The following WDR27 variants were observed in gnomAD, a reference collection of about 807,000 sequenced individuals.
The protein encoded by WDR27 is WD repeat domain 27, also known as WD repeat-containing protein 27.
Under a neutral mutation model 114.4 loss-of-function variants are expected in WDR27, and 100 were observed. The ratio of observed to expected loss-of-function variants is 0.87; its 90% CI spans 0.74 to 1.03. WDR27 has a LOEUF of 1.03. WDR27 is among the 50% of genes least tolerant of loss of function. WDR27 has a pLI of 0.00. For synonymous variants in WDR27, 449 were observed against 423.1 expected, an observed-to-expected ratio of 1.06 and a Z score of -0.75; for missense variants, 1,129 against 1,092.9, an observed-to-expected ratio of 1.03 and a Z score of -0.47.
At chr6:169,667,639 G>A (rs553318575) in intron 5 of WDR27, among the ~76,000 whole-genome samples, 1 of 152,174 alleles carries the variant, frequency 6.6e-6, no homozygotes, top group East Asian at 1.9e-4. Context: ...ATTTTGTGCC[G>A]ACTGAACCCT....
intron 8 of WDR27, 70 bp downstream of exon 8, chr6:169,664,096 C>T: frequency 7.2e-7 from 1 of 1,389,916 alleles, no homozygotes; most frequent in Non-Finnish European, 9.7e-7. Context: ...TGACCTAGGG[C>T]CCTTGACATG....
intron 25 of WDR27, among the ~76,000 whole-genome samples, chr6:169,530,559 A>G (rs1247848388): frequency 6.6e-6 from 1 of 152,222 alleles, no homozygotes; most frequent in African/African-American, 2.4e-5. Context: ...CCTCAACTGT[A>G]TGAAAGCATG....
intron 25 of WDR27, among the ~76,000 whole-genome samples, chr6:169,474,300 A>G (rs1404112150): frequency 6.6e-6 from 1 of 152,244 alleles, no homozygotes; most frequent in Non-Finnish European, 1.5e-5. Flanking sequence ...CCTTAAGGAT[A>G]AATAAACTCT....
At chr6:169,481,539 T>A (rs1788082483) in intron 25 of WDR27, among the ~76,000 whole-genome samples, 1 of 152,248 alleles carries the variant, frequency 6.6e-6, no homozygotes, top group African/African-American at 2.4e-5. Context: ...GGCGCCTTTA[T>A]GAGCTGTAGC....
chr6:169,658,952 G>A, intron 12 of WDR27, 134 bp downstream of exon 12: 1 of 1,253,214 alleles, frequency 8.0e-7, no homozygotes, highest in Non-Finnish European at 1.1e-6. Context: ...CTCCCAAAGT[G>A]CTGGGATTAT....
intron 23 of WDR27, among the ~76,000 whole-genome samples, chr6:169,597,620 A>G (rs1481213388): frequency 6.6e-6 from 1 of 152,122 alleles, no homozygotes; most frequent in African/African-American, 2.4e-5. Context: ...ACTGACCTCT[A>G]ATATTCATAG....
Position 169,659,596 on chromosome 6 carries a change from C to A in WDR27, c.1130-78G>T. 1 of 1,376,448 alleles carries A rather than the reference C, an allele frequency of 7.3e-7. No individual in the cohort carries two copies. The highest frequency in any genetic ancestry group is 1.0e-6 in the Non-Finnish European group (1 of 992,256). 85.3% of individuals were successfully genotyped at this position (1,376,448 alleles called of 1,614,324 possible). On this transcript the variant is annotated intron_variant, in intron 10 of 25. Coordinates refer to ENST00000448612, the MANE Select transcript of WDR27 (RefSeq NM_182552.5). The surrounding 1 kb of genome is among the most constrained non-coding windows in gnomAD (Gnocchi z 4.3). ...ACACACGGAGTCACTGCCCAGAGCC[C>A]ACCACACACAGCCCAGAGCCCACCA...
chr6:169,537,168 G>A (rs1796287064), intron 25 of WDR27, among the ~76,000 whole-genome samples: 1 of 152,158 alleles, frequency 6.6e-6, no homozygotes, highest in Non-Finnish European at 1.5e-5. Context: ...GGTTGAGAGG[G>A]AGGAATCGCA....
At chr6:169,569,265 C>A (rs910414362) in intron 25 of WDR27, among the ~76,000 whole-genome samples, 3 of 149,692 alleles carry the variant, frequency 2.0e-5, no homozygotes, top group African/African-American at 7.7e-5. Flanking sequence ...GTTTTAAAAC[C>A]CTAGTCTCTA....
intron 13 of WDR27, among the ~76,000 whole-genome samples, chr6:169,652,483 G>A (rs1461036125): frequency 2.0e-5 from 3 of 152,162 alleles, no homozygotes; most frequent in Non-Finnish European, 2.9e-5. Flanking sequence ...GCCTGACCTC[G>A]TGATCCACCT....
chr6:169,576,205 A>G (rs1471155184), intron 24 of WDR27, among the ~76,000 whole-genome samples: 2 of 152,230 alleles, frequency 1.3e-5, no homozygotes, highest in African/African-American at 2.4e-5. Flanking sequence ...ACCCACCCTC[A>G]GGGGACTCAC....
chr6:169,499,098 T>C (rs1329420613), intron 25 of WDR27, among the ~76,000 whole-genome samples: 1 of 152,246 alleles, frequency 6.6e-6, no homozygotes, highest in Non-Finnish European at 1.5e-5. Context: ...AACGTCCTCA[T>C]GTTGCTAAGC....
At chr6:169,620,600 C>T (rs923387550) in intron 21 of WDR27, among the ~76,000 whole-genome samples, 1 of 152,178 alleles carries the variant, frequency 6.6e-6, no homozygotes, top group East Asian at 1.9e-4. Context: ...TCCCACTTTA[C>T]CTGACTGAAC....
At chr6:169,582,782 T>C in intron 24 of WDR27, 54 bp downstream of exon 24, 2 of 1,379,302 alleles carry the variant, frequency 1.5e-6, no homozygotes, top group East Asian at 4.9e-5. Context: ...TACAAAAATA[T>C]AATGTAAGAC....
At chr6:169,651,334 A>G (rs946877872) in intron 14 of WDR27, among the ~76,000 whole-genome samples, 9 of 152,072 alleles carry the variant, frequency 5.9e-5, no homozygotes, top group Admixed American at 5.9e-4. Context: ...GTTAAGAGAC[A>G]TAAAAAGTCA....
intron 21 of WDR27, among the ~76,000 whole-genome samples, chr6:169,614,508 T>G (rs905559282): frequency 6.6e-6 from 1 of 151,872 alleles, no homozygotes; most frequent in Non-Finnish European, 1.5e-5. Context: ...GCCAACATGG[T>G]GAAATCCCGT....
At chr6:169,509,443 T>C (rs1187069825) in intron 25 of WDR27, among the ~76,000 whole-genome samples, 2 of 151,924 alleles carry the variant, frequency 1.3e-5, no homozygotes, top group Non-Finnish European at 2.9e-5. Flanking sequence ...TATAGACCAA[T>C]GGAACAGAAC....
chr6:169,448,432 ATAT>A, the WDR27 span, among the ~76,000 whole-genome samples: 2 of 150,336 alleles, frequency 1.3e-5, no homozygotes, highest in Admixed American at 6.6e-5. Flanking sequence ...GTATATATAT[ATAT>A]TTTTTTACTA....
intron 2 of WDR27, among the ~76,000 whole-genome samples, 186 bp from the exon 3 acceptor site, chr6:169,672,582 C>T (rs930626506): frequency 1.3e-5 from 2 of 152,176 alleles, no homozygotes; most frequent in African/African-American, 4.8e-5. Flanking sequence ...TCAAGTTAAC[C>T]ATTTCACTGC....
Sources: gnomAD v4.1 joint callset for allele counts (sites outside exome capture counted in the v4.1 genomes callset) on GRCh38, gnomAD v4.1.1 for gene constraint, Gnocchi (gnomAD v3.1) non-coding constraint, MANE v1.5 for transcripts, NCBI Gene and HGNC (gene_info 2026-07-23, HGNC 2026-07-21) for gene names.